Variants in SORCS2 observed in about 807,000 individuals in gnomAD.
SORCS2 encodes VPS10 domain-containing receptor SorCS2.
In SORCS2, 100 loss-of-function variants were observed where a neutral mutation model predicts 141.6. That is an observed-to-expected ratio of 0.71 (90% CI 0.60 to 0.83). The LOEUF (loss-of-function observed/expected upper bound fraction) is 0.83, where lower values mean the gene tolerates loss of function less well. Ranked by LOEUF, SORCS2 falls within the 40% of genes least tolerant of loss-of-function variation. The probability of loss-of-function intolerance (pLI) is 0.00; values close to 1 mark genes in which losing one functional copy is unlikely to be tolerated. For missense variants in SORCS2, 1,646 were observed against 1,560.2 expected (o/e 1.05, Z -0.93); for synonymous variants, 789 against 676.9 (o/e 1.17, Z -2.57).
chr4:7,677,608 C>T (rs919385364), intron 9 of SORCS2, among the ~76,000 whole-genome samples: 3 of 152,162 alleles, frequency 2.0e-5, no homozygotes, highest in Admixed American at 1.3e-4. Flanking sequence ...CCGTGGGTGG[C>T]CAGTAGACCC....
At position 7,641,659 on chromosome 4, in the gene SORCS2, G is replaced by A. The variant is rs200889029; in HGVS notation, c.813+3167G>A. Among the ~76,000 whole-genome samples the A allele has an allele frequency of 5.9e-5, 9 of 152,326 alleles. No homozygotes were observed. The East Asian group carries it at 7.7e-4, about 13-fold the overall frequency. On this transcript the variant is annotated intron_variant, in intron 4 of 26. Coordinates refer to ENST00000507866, the MANE Select transcript of SORCS2 (RefSeq NM_020777.3). ...TTCACCATTTTAATCTAAAGTGCCCGGCTGAAAATATTAGTTGGATGGACA... is the reference window on the plus strand; with the variant it reads ...TTCACCATTTTAATCTAAAGTGCCCAGCTGAAAATATTAGTTGGATGGACA...
chr4:7,692,853 G>C (rs1393622146), intron 11 of SORCS2, among the ~76,000 whole-genome samples: 1 of 152,148 alleles, frequency 6.6e-6, no homozygotes, highest in African/African-American at 2.4e-5. Context: ...CTGGGGTCTC[G>C]AGCTCGAGGA....
At chr4:7,676,752 CCTGTCATCTCCT>C (rs1300696053) in intron 9 of SORCS2, among the ~76,000 whole-genome samples, 6 of 146,986 alleles carry the variant, frequency 4.1e-5, no homozygotes, top group South Asian at 2.2e-4. Context: ...CCACCCCCGC[CCTGTCATCTCCT>C]CCTTCCTCTC....
intron 1 of SORCS2, among the ~76,000 whole-genome samples, chr4:7,331,267 G>T (rs1439151464): frequency 6.6e-6 from 1 of 152,162 alleles, no homozygotes; most frequent in African/African-American, 2.4e-5. Context: ...CTGGGCCTGG[G>T]CTGGGGCAGG....
chr4:7,636,326 C>T (rs893766589), intron 3 of SORCS2, among the ~76,000 whole-genome samples: 1 of 152,326 alleles, frequency 6.6e-6, no homozygotes, highest in Non-Finnish European at 1.5e-5. Context: ...TCTGCGGCGC[C>T]CGGTGCCTGT....
chr4:7,668,037 C>G (rs1453409845), intron 8 of SORCS2, among the ~76,000 whole-genome samples: 3 of 152,224 alleles, frequency 2.0e-5, no homozygotes, highest in South Asian at 2.1e-4. Context: ...AGTTGAGAAA[C>G]AGATGAAGCT....
intron 1 of SORCS2, among the ~76,000 whole-genome samples, chr4:7,380,848 G>A (rs1722941448): frequency 6.6e-6 from 1 of 152,240 alleles, no homozygotes; most frequent in Admixed American, 6.5e-5. Context: ...CACTTTGGGA[G>A]GCCAAGGCGG....
intron 4 of SORCS2, 124 bp downstream of exon 4, chr4:7,638,616 C>T (rs1020681720): frequency 2.9e-6 from 3 of 1,021,084 alleles, no homozygotes; most frequent in South Asian, 1.7e-5. Flanking sequence ...GGAGGAGCCT[C>T]CCGGGGCTGG....
chr4:7,588,610 T>C (rs1274435371), intron 3 of SORCS2, among the ~76,000 whole-genome samples: 1 of 152,164 alleles, frequency 6.6e-6, no homozygotes, highest in Non-Finnish European at 1.5e-5. Context: ...TGGGCTGGCC[T>C]TACCAGCAGA....
At chr4:7,252,846 C>A (rs2108807841) in intron 1 of SORCS2, among the ~76,000 whole-genome samples, 1 of 152,346 alleles carries the variant, frequency 6.6e-6, no homozygotes, top group Middle Eastern at 3.4e-3. Context: ...GAGTGGCAAT[C>A]CAAAATCATT....
chr4:7,401,219 GTGGA>G (rs897197937), intron 2 of SORCS2, among the ~76,000 whole-genome samples: 2 of 147,676 alleles, frequency 1.4e-5, no homozygotes, highest in East Asian at 4.2e-4. Context: ...GGATGGGTGG[GTGGA>G]TGGATGGATG....
intron 3 of SORCS2, among the ~76,000 whole-genome samples, chr4:7,534,279 G>A (rs1293222179): frequency 5.3e-5 from 8 of 152,190 alleles, no homozygotes; most frequent in South Asian, 2.1e-4. Context: ...GTGGTGTAGA[G>A]GACAGTGCCT....
At chr4:7,647,402 C>G (rs1721149397) in intron 4 of SORCS2, among the ~76,000 whole-genome samples, 1 of 152,188 alleles carries the variant, frequency 6.6e-6, no homozygotes, top group Non-Finnish European at 1.5e-5. Flanking sequence ...TATTACCAGA[C>G]AGCCACACTC....
intron 3 of SORCS2, among the ~76,000 whole-genome samples, chr4:7,611,243 C>G (rs1253954328): frequency 6.6e-6 from 1 of 152,214 alleles, no homozygotes; most frequent in Non-Finnish European, 1.5e-5. Context: ...GCTTCCTGGC[C>G]TTCTTCTGGG....
chr4:7,327,811 C>T (rs969155892), intron 1 of SORCS2, among the ~76,000 whole-genome samples: 1 of 152,024 alleles, frequency 6.6e-6, no homozygotes, highest in Non-Finnish European at 1.5e-5. Context: ...CCGCCCCCCC[C>T]AACCCCGCCC....
At chr4:7,706,653 G>GGGCAGGGATGAGGCTGGGCTCCT (rs1295246259) in intron 14 of SORCS2, among the ~76,000 whole-genome samples, 19 of 148,014 alleles carry the variant, frequency 1.3e-4, no homozygotes, top group African/African-American at 4.3e-4. Context: ...GCTGGGCTCT[G>GGGCAGGGATGAGGCTGGGCTCCT]CCTGGGCAGG....
intron 3 of SORCS2, among the ~76,000 whole-genome samples, chr4:7,565,226 C>T (rs1252292280): frequency 6.6e-6 from 1 of 152,130 alleles, no homozygotes; most frequent in Non-Finnish European, 1.5e-5. Context: ...TGTTTCCAAA[C>T]AACTTCCCCG....
chr4:7,448,765 CTT>C (rs1728185636), intron 2 of SORCS2, among the ~76,000 whole-genome samples: 1 of 103,108 alleles, frequency 9.7e-6, no homozygotes, highest in African/African-American at 4.0e-5. Flanking sequence ...CCCTCTTTTC[CTT>C]TCTCTCCCCT....
chr4:7,716,083 T>A (rs558540743), intron 17 of SORCS2, among the ~76,000 whole-genome samples: 1 of 147,218 alleles, frequency 6.8e-6, no homozygotes. Flanking sequence ...TCAATTCATG[T>A]AAAATGTTAG....
Sources: allele counts gnomAD v4.1 joint callset (sites outside exome capture counted in the v4.1 genomes callset), GRCh38; gene constraint gnomAD v4.1.1; transcripts MANE v1.5; gene names NCBI Gene and HGNC (gene_info 2026-07-23, HGNC 2026-07-21).